HDLBP: variants seen among roughly 807,000 people sequenced by gnomAD.
HDLBP encodes high density lipoprotein binding protein, also known as vigilin.
A neutral mutation model predicts 137.3 loss-of-function variants in HDLBP; 30 were observed. That is an observed-to-expected ratio of 0.22 (90% CI 0.16 to 0.30). The LOEUF is 0.30. Ranked by LOEUF, HDLBP falls within the 10% of genes least tolerant of loss-of-function variation. HDLBP has a pLI of 1.00. For missense variants in HDLBP, 1,119 were observed against 1,667.3 expected, an observed-to-expected ratio of 0.67 and a Z score of 5.73; for synonymous variants, 606 against 596.0, an observed-to-expected ratio of 1.02 and a Z score of -0.24.
chr2:241,254,516 G>A (rs1234980183), intron 9 of HDLBP, among the ~76,000 whole-genome samples: 13 of 146,512 alleles, frequency 8.9e-5, no homozygotes. Context: ...ACAGAGTCTC[G>A]CTCTGTCGCC....
intron 1 of HDLBP, among the ~76,000 whole-genome samples, chr2:241,309,278 C>T (rs537279139): frequency 3.5e-4 from 53 of 152,262 alleles, no homozygotes; most frequent in African/African-American, 1.3e-3. Context: ...ACGTGACCTC[C>T]GTGAAAGTGC....
intron 1 of HDLBP, among the ~76,000 whole-genome samples, chr2:241,270,747 A>C (rs2073981653): frequency 6.6e-6 from 1 of 152,058 alleles, no homozygotes; most frequent in South Asian, 2.1e-4. Context: ...CACAGACAAC[A>C]CCCACGAGGG....
At chr2:241,253,067 G>T (rs937873407) in intron 10 of HDLBP, 32 bp from the exon 11 acceptor site, 5 of 1,526,152 alleles carry the variant, frequency 3.3e-6, no homozygotes, top group African/African-American at 1.4e-5. Flanking sequence ...CCATGGATGC[G>T]CCTGGTTACT....
intron 3 of HDLBP, among the ~76,000 whole-genome samples, chr2:241,265,230 C>T (rs561828892): frequency 6.6e-6 from 1 of 152,188 alleles, no homozygotes; most frequent in African/African-American, 2.4e-5. Flanking sequence ...ACCAGCCTGA[C>T]CAACATGGAG....
In HDLBP at chr2:241,252,937, C is replaced by T. The variant is rs2072315844; in HGVS notation, c.1372+20G>A. 1 of 1,583,096 alleles carries T rather than the reference C, an allele frequency of 6.3e-7. No individual in the cohort carries two copies. The highest frequency in any genetic ancestry group is 1.3e-5 in the African/African-American group (1 of 74,356). On this transcript the variant is annotated intron_variant, in intron 11 of 27. Coordinates refer to ENST00000310931, the MANE Select transcript of HDLBP (RefSeq NM_005336.6). The stretch of plus-strand genomic sequence containing the variant: ...GTCTCAGGGCACACTGGCCCCACCG[C>T]AACAGACAGCCTCACTCACTGTTGG...
chr2:241,247,648 G>A (rs1331381877), intron 14 of HDLBP, among the ~76,000 whole-genome samples: 1 of 152,134 alleles, frequency 6.6e-6, no homozygotes, highest in East Asian at 1.9e-4. Context: ...TAATAAATCA[G>A]TATATGACTC....
intron 1 of HDLBP, among the ~76,000 whole-genome samples, chr2:241,282,465 C>T (rs2074643644): frequency 6.6e-6 from 1 of 152,150 alleles, no homozygotes; most frequent in Admixed American, 6.6e-5. Flanking sequence ...TCTAACACTT[C>T]CTACTTCTAA....
intron 7 of HDLBP, 131 bp downstream of exon 7, chr2:241,256,053 T>C: frequency 2.6e-6 from 2 of 759,812 alleles, no homozygotes; most frequent in South Asian, 1.7e-5. Context: ...GTCACTCAAG[T>C]GTAGAGACAA....
chr2:241,237,080 G>A (rs2070627006), intron 20 of HDLBP, among the ~76,000 whole-genome samples: 1 of 151,368 alleles, frequency 6.6e-6, no homozygotes, highest in Non-Finnish European at 1.5e-5. Flanking sequence ...ACTAACTACA[G>A]CAGAGGCTTC....
chr2:241,263,709 A>G (rs1455797467), intron 4 of HDLBP, among the ~76,000 whole-genome samples: 11 of 152,330 alleles, frequency 7.2e-5, no homozygotes, highest in Non-Finnish European at 1.6e-4. Flanking sequence ...TTTGAAACTC[A>G]CTAACATCTC....
chr2:241,249,401 G>A (rs1022713155), intron 12 of HDLBP: 20 of 473,806 alleles, frequency 4.2e-5, no homozygotes, highest in East Asian at 4.1e-4. Context: ...TGTATGAAAC[G>A]TCGGGGAGCC....
chr2:241,295,408 C>A (rs892653436), intron 1 of HDLBP, among the ~76,000 whole-genome samples: 19 of 152,124 alleles, frequency 1.2e-4, no homozygotes, highest in African/African-American at 4.3e-4. Context: ...GTTTAGAAAA[C>A]CTCTCTATTA....
intron 17 of HDLBP, among the ~76,000 whole-genome samples, chr2:241,241,910 C>T (rs1005893843): frequency 2.6e-5 from 4 of 152,182 alleles, no homozygotes; most frequent in Non-Finnish European, 5.9e-5. Flanking sequence ...CACACAATCC[C>T]AATCAAAACG....
chr2:241,231,196 C>T, intron 24 of HDLBP: 1 of 411,706 alleles, frequency 2.4e-6, no homozygotes, highest in Non-Finnish European at 4.5e-6. Context: ...ACCAGCCTGA[C>T]CAACATGGAG....
chr2:241,233,447 A>AC lies in HDLBP; in HGVS notation c.3288+372dup, dbSNP rs766223121. Among the ~76,000 whole-genome samples, 3 of 152,076 alleles carry AC rather than the reference A, an allele frequency of 2.0e-5. No individual in the cohort carries two copies. Among genetic ancestry groups the AC allele is most frequent in the Non-Finnish European group, 2.9e-5 (2 of 68,018 alleles). Reference sequence around the variant, plus strand: ...GGGGCTGCAGAGAAATGTCCACCTGACCCCAAGAGGCCCAGGTGACAGGTG... The same window carrying AC: ...GGGGCTGCAGAGAAATGTCCACCTGACCCCCAAGAGGCCCAGGTGACAGGTG... On this transcript the variant is annotated intron_variant, in intron 24 of 27. Coordinates refer to ENST00000310931, the MANE Select transcript of HDLBP (RefSeq NM_005336.6). The surrounding 1 kb of genome is among the most constrained non-coding windows in gnomAD (Gnocchi z 4.3).
At chr2:241,259,321 G>A (rs1420502251) in intron 5 of HDLBP, among the ~76,000 whole-genome samples, 2 of 152,212 alleles carry the variant, frequency 1.3e-5, no homozygotes, top group Non-Finnish European at 2.9e-5. Flanking sequence ...GGAGCAGGGT[G>A]AAGGTAACAG....
chr2:241,297,945 G>C (rs2075244030), intron 1 of HDLBP, among the ~76,000 whole-genome samples: 1 of 150,474 alleles, frequency 6.6e-6, no homozygotes, highest in South Asian at 2.1e-4. Context: ...CTACCGGGGA[G>C]GCTGAGGCGG....
Position 241,272,378 on chromosome 2 carries a change from G to T in HDLBP, c.-102-3837C>A, listed in dbSNP as rs1344421797. 4 of 984,036 alleles carry T rather than the reference G, an allele frequency of 4.1e-6. No individual in the cohort carries two copies. In the Admixed American group the frequency reaches 2.5e-4, roughly 61 times the overall value. The allele number at this position is 984,036 out of a possible 1,614,324, so 61.0% of individuals were successfully genotyped here. The stretch of plus-strand genomic sequence containing the variant: ...TCAGCGACCTGGGCTCAGGTCGGCC[G>T]CCCCTCCGCGCCGTGCGGCCACGGC... On this transcript the variant is annotated intron_variant, in intron 1 of 27. Coordinates refer to ENST00000310931, the MANE Select transcript of HDLBP (RefSeq NM_005336.6). The surrounding 1 kb of genome is among the most constrained non-coding windows in gnomAD (Gnocchi z 5.6).
chr2:241,269,568 C>CAA (rs2073912360), intron 1 of HDLBP: 1 of 152,208 alleles, frequency 6.6e-6, no homozygotes, highest in Admixed American at 6.5e-5. Context: ...GAACCTGCCA[C>CAA]AAACCAGAGA....
Sources: gnomAD v4.1 joint callset for allele counts (sites outside exome capture counted in the v4.1 genomes callset) on GRCh38, gnomAD v4.1.1 for gene constraint, Gnocchi (gnomAD v3.1) non-coding constraint, MANE v1.5 for transcripts, NCBI Gene and HGNC (gene_info 2026-07-23, HGNC 2026-07-21) for gene names.